NUDCD1: variants seen among roughly 807,000 people sequenced by gnomAD.
The protein encoded by NUDCD1 is nudC domain-containing protein 1.
A neutral mutation model predicts 67.8 loss-of-function variants in NUDCD1; 60 were observed. The observed-to-expected ratio is 0.88, with a 90% CI of 0.72 to 1.10. NUDCD1 has a LOEUF of 1.10. Among genes scored for constraint, NUDCD1 ranks in the 50% least tolerant of loss-of-function variants. The probability of loss-of-function intolerance (pLI) is 0.00; values close to 1 mark genes in which losing one functional copy is unlikely to be tolerated. For missense variants in NUDCD1, 643 were observed against 695.0 expected (o/e 0.93, Z 0.84); for synonymous variants, 244 against 230.8 (o/e 1.06, Z -0.52).
rs537169860 is a variant in NUDCD1 at position 109,289,619 on chromosome 8, T to C, written c.823+132A>G. ...TACCTTATAAAAGACTTCTGGAAAA[T>C]ACATGAGAAAATAAAGAAAAAATTA... On this transcript the variant is annotated intron_variant, in intron 5 of 9. Transcript: ENST00000239690. 2.6e-4 allele frequency: 136 copies of C among 524,544 alleles called. 2 individuals carry two copies. Among genetic ancestry groups the C allele is most frequent in the East Asian group, 5.5e-4 (16 of 29,114 alleles). 32.5% of individuals were successfully genotyped at this position (524,544 alleles called of 1,614,324 possible). A position where few individuals can be genotyped will look rare whatever the true frequency, so the allele number is the denominator to read the frequency against.
intron 8 of NUDCD1, among the ~76,000 whole-genome samples, chr8:109,254,245 T>C (rs1813680777): frequency 6.6e-6 from 1 of 152,200 alleles, no homozygotes. Context: ...ATACCTTTAA[T>C]GGTAATTACC....
chr8:109,324,762 T>C (rs1317241210), intron 1 of NUDCD1, among the ~76,000 whole-genome samples: 1 of 152,080 alleles, frequency 6.6e-6, no homozygotes, highest in Non-Finnish European at 1.5e-5. Flanking sequence ...TGCAGCAACA[T>C]AGATGGAACT....
At chr8:109,304,761 T>C (rs185654359) in intron 2 of NUDCD1, among the ~76,000 whole-genome samples, 3 of 152,150 alleles carry the variant, frequency 2.0e-5, no homozygotes, top group Non-Finnish European at 4.4e-5. Flanking sequence ...TCAGATCCCA[T>C]CGCTCAGGGT....
intron 1 of NUDCD1, among the ~76,000 whole-genome samples, chr8:109,332,655 G>A (rs1815835783): frequency 6.6e-6 from 1 of 152,152 alleles, no homozygotes; most frequent in Non-Finnish European, 1.5e-5. Flanking sequence ...AGACTTGTGA[G>A]CAATAATAAC....
At chr8:109,271,495 G>A (rs115456686) in intron 7 of NUDCD1, among the ~76,000 whole-genome samples, 4 of 152,040 alleles carry the variant, frequency 2.6e-5, no homozygotes, top group African/African-American at 9.7e-5. Context: ...AAAGACCAGC[G>A]AGCTTGAAAA....
chr8:109,258,696 GA>G (rs999904402), intron 8 of NUDCD1, among the ~76,000 whole-genome samples: 51 of 150,252 alleles, frequency 3.4e-4, no homozygotes, highest in African/African-American at 1.2e-3. Context: ...CAGATTCTAA[GA>G]AAAAAAAAGT....
intron 3 of NUDCD1, among the ~76,000 whole-genome samples, chr8:109,294,399 G>T (rs571263657): frequency 4.6e-5 from 7 of 152,046 alleles, no homozygotes; most frequent in African/African-American, 1.7e-4. Context: ...CCATTCTTAA[G>T]ATTTCCATAA....
intron 2 of NUDCD1, among the ~76,000 whole-genome samples, chr8:109,318,232 T>C (rs959060246): frequency 1.3e-5 from 2 of 152,100 alleles, no homozygotes; most frequent in Non-Finnish European, 2.9e-5. Context: ...AAAAGTAAAA[T>C]AGATTATGAA....
At chr8:109,303,856 A>G (rs1455771000) in intron 2 of NUDCD1, among the ~76,000 whole-genome samples, 2 of 152,150 alleles carry the variant, frequency 1.3e-5, no homozygotes, top group South Asian at 2.1e-4. Context: ...CTGCTACAGC[A>G]TGGCCTTTTA....
At chr8:109,307,045 T>C (rs2130081149) in intron 2 of NUDCD1, among the ~76,000 whole-genome samples, 1 of 152,314 alleles carries the variant, frequency 6.6e-6, no homozygotes, top group African/African-American at 2.4e-5. Flanking sequence ...GTCAGGGCTC[T>C]GAGCCCAAGT....
intron 2 of NUDCD1, among the ~76,000 whole-genome samples, chr8:109,313,070 T>C (rs1001243276): frequency 2.6e-5 from 4 of 152,188 alleles, no homozygotes; most frequent in Admixed American, 1.3e-4. Context: ...AAAGCCTCAC[T>C]TTCTTTAACC....
intron 6 of NUDCD1, among the ~76,000 whole-genome samples, chr8:109,279,412 T>A (rs1192950412): frequency 6.6e-6 from 1 of 152,216 alleles, no homozygotes; most frequent in Admixed American, 6.5e-5. Context: ...TTGTGACATG[T>A]CTATTCAAAT....
chr8:109,323,549 T>A (rs1308978526), intron 1 of NUDCD1, among the ~76,000 whole-genome samples: 1 of 152,050 alleles, frequency 6.6e-6, no homozygotes, highest in Non-Finnish European at 1.5e-5. Context: ...TGATAAAGAA[T>A]AATCACTGGG....
chr8:109,280,046 T>C (rs927991469), intron 6 of NUDCD1, among the ~76,000 whole-genome samples: 8 of 152,218 alleles, frequency 5.3e-5, no homozygotes, highest in African/African-American at 1.9e-4. Flanking sequence ...ATATTAATTA[T>C]TCCACTTTTA....
intron 2 of NUDCD1, among the ~76,000 whole-genome samples, chr8:109,301,148 AAAC>A (rs969766817): frequency 6.6e-6 from 1 of 152,190 alleles, no homozygotes; most frequent in African/African-American, 2.4e-5. Context: ...AGATGGCCTG[AAAC>A]AACTGAAGAT....
intron 8 of NUDCD1, among the ~76,000 whole-genome samples, chr8:109,270,477 T>C (rs534829936): frequency 8.7e-4 from 132 of 152,304 alleles, no homozygotes; most frequent in Non-Finnish European, 1.7e-3. Flanking sequence ...CAGAGGCTTA[T>C]GATTCATTAA....
chr8:109,329,067 G>A (rs999551940), intron 1 of NUDCD1, among the ~76,000 whole-genome samples: 1 of 151,150 alleles, frequency 6.6e-6, no homozygotes, highest in African/African-American at 2.4e-5. Flanking sequence ...ACTTCTAGAT[G>A]TGAATATTAC....
chr8:109,334,007 C>T lies in NUDCD1; in HGVS notation c.4G>A (p.Glu2Lys). The T allele has an allele frequency of 6.2e-7, 1 of 1,614,192 alleles. No homozygotes were observed. The highest frequency in any genetic ancestry group is 8.5e-7 in the Non-Finnish European group (1 of 1,180,012). The change falls in exon 1 of 10, where the codon GAG (glutamate) becomes AAG (lysine). Residue 2 changes from glutamate to lysine, a missense_variant. Physicochemically the swap from Glu to Lys is moderately conservative, Grantham distance 56 (BLOSUM62 1). Coordinates refer to ENST00000239690, the MANE Select transcript of NUDCD1 (RefSeq NM_032869.4). M[E>K]VAANCSLRVK... ...CGTAGGGAGCAATTAGCCGCCACCTCCATCGCTTTCCAGGGCCGCAGCGTG... is the reference window on the plus strand; with the variant it reads ...CGTAGGGAGCAATTAGCCGCCACCTTCATCGCTTTCCAGGGCCGCAGCGTG...
intron 1 of NUDCD1, among the ~76,000 whole-genome samples, chr8:109,324,520 T>C (rs1815622840): frequency 6.6e-6 from 1 of 152,104 alleles, no homozygotes; most frequent in East Asian, 1.9e-4. Flanking sequence ...AAACTAAAAC[T>C]ATAACTACTA....
Sources: allele counts gnomAD v4.1 joint callset (sites outside exome capture counted in the v4.1 genomes callset), GRCh38; gene constraint gnomAD v4.1.1; transcripts MANE v1.5; gene names NCBI Gene and HGNC (gene_info 2026-07-23, HGNC 2026-07-21).